The following MRNIP variants were observed in gnomAD, a reference collection of about 807,000 sequenced individuals.
MRNIP encodes MRN complex-interacting protein.
Under a neutral mutation model 29.8 loss-of-function variants are expected in MRNIP, and 30 were observed. The observed-to-expected ratio is 1.01, with a 90% CI of 0.75 to 1.36. The LOEUF (loss-of-function observed/expected upper bound fraction) is 1.36. Ranked by LOEUF, MRNIP falls within the 40% of genes most tolerant of loss-of-function variation. The pLI, the probability that MRNIP is intolerant of heterozygous loss-of-function variation, is 0.00. For synonymous variants in MRNIP, 201 were observed against 164.1 expected (o/e 1.23, Z -1.72); for missense variants, 459 against 423.5 (o/e 1.08, Z -0.74).
intron 2 of MRNIP, 144 bp downstream of exon 2, chr5:179,853,234 G>A: frequency 6.4e-7 from 1 of 1,553,898 alleles, no homozygotes; most frequent in Non-Finnish European, 8.7e-7. Flanking sequence ...ACTTCCTGAA[G>A]GAACAGGAAG....
chr5:179,858,569 G>A (rs923699461), intron 1 of MRNIP, among the ~76,000 whole-genome samples, 162 bp downstream of exon 1: 12 of 152,174 alleles, frequency 7.9e-5, no homozygotes, highest in Admixed American at 5.2e-4. Flanking sequence ...AGCTCAGAAC[G>A]TTATGCGGGG....
chr5:179,849,771 T>A (rs1332133710), intron 2 of MRNIP, among the ~76,000 whole-genome samples: 1 of 150,840 alleles, frequency 6.6e-6, no homozygotes, highest in Non-Finnish European at 1.5e-5. Context: ...AGAGCATGGA[T>A]CCTGCAATGA....
chr5:179,842,146 C>T, intron 4 of MRNIP, 82 bp from the exon 5 acceptor site: 1 of 1,376,970 alleles, frequency 7.3e-7, no homozygotes, highest in Non-Finnish European at 1.0e-6. Flanking sequence ...ACTCTTGGGC[C>T]TGAGGATCTC....
rs577082271 is a variant in MRNIP at position 179,849,631 on chromosome 5, A to G, written c.127-1565T>C. Among the ~76,000 whole-genome samples the G allele has an allele frequency of 6.2e-4, 81 of 129,890 alleles. 2 individuals carry two copies. The highest frequency in any genetic ancestry group is 2.3e-3 in the African/African-American group (78 of 33,956). The allele number at this position is 129,890 out of a possible 152,430, so 85.2% of individuals were successfully genotyped here. ...ATTTGAGAGCATGGATCCTGCAATG[A>G]CACAGGCAGATGGTAAGAGATGGAA... On this transcript the variant is annotated intron_variant, in intron 2 of 6. Coordinates refer to ENST00000292586, the MANE Select transcript of MRNIP (RefSeq NM_016175.4).
At chr5:179,847,794 C>G (rs1759194932) in intron 3 of MRNIP, 184 bp downstream of exon 3, 1 of 558,938 alleles carries the variant, frequency 1.8e-6, no homozygotes, top group South Asian at 2.1e-5. Flanking sequence ...CCCCAGTATT[C>G]TAAACATCCC....
At chr5:179,845,262 CA>C (rs1371996268) in intron 3 of MRNIP, among the ~76,000 whole-genome samples, 1 of 151,788 alleles carries the variant, frequency 6.6e-6, no homozygotes, top group Non-Finnish European at 1.5e-5. Flanking sequence ...TGCAGTGGCA[CA>C]ATCTTGGCTC....
At chr5:179,843,035 G>GAGGA (rs1554093083) in intron 4 of MRNIP, among the ~76,000 whole-genome samples, 2 of 60,756 alleles carry the variant, frequency 3.3e-5, no homozygotes, top group Non-Finnish European at 5.5e-5. Flanking sequence ...CTGTCGAAAG[G>GAGGA]AGGAAAGAAG....
intron 4 of MRNIP, among the ~76,000 whole-genome samples, chr5:179,843,057 G>A (rs1440567133): frequency 2.1e-5 from 3 of 139,616 alleles, no homozygotes; most frequent in Admixed American, 1.5e-4. Context: ...AAGGAAGGAA[G>A]GAAGGGAGGG....
rs199932208 is a variant in MRNIP, at chr5:179,856,106, C to A, written c.66+2625G>T. On this transcript the variant is annotated intron_variant, in intron 1 of 6. Coordinates refer to ENST00000292586, the MANE Select transcript of MRNIP (RefSeq NM_016175.4). Reference sequence around the variant, plus strand: ...TATTTTTAGTAGAGACGGGGTTTCACAACATTGCCCAGGCTGGTCTCGAAC... The same window carrying A: ...TATTTTTAGTAGAGACGGGGTTTCAAAACATTGCCCAGGCTGGTCTCGAAC... Among the ~76,000 whole-genome samples the A allele has an allele frequency of 1.0e-3, 155 of 152,006 alleles. 1 individual carries two copies. The East Asian group carries it at 0.02, about 20-fold the overall frequency.
At chr5:179,856,118 G>C (rs1392126767) in intron 1 of MRNIP, among the ~76,000 whole-genome samples, 1 of 151,978 alleles carries the variant, frequency 6.6e-6, no homozygotes, top group East Asian at 1.9e-4. Flanking sequence ...ACATTGCCCA[G>C]GCTGGTCTCG....
At position 179,847,699 on chromosome 5, in the gene MRNIP, G is replaced by T. The variant is rs1312350368; in HGVS notation, c.215+279C>A. On this transcript the variant is annotated intron_variant, in intron 3 of 6. Transcript: ENST00000292586. ...AAGAGCCTTCAGCTCTGGAGGCACA[G>T]AGCAATGGCCTGCCAGCTTTAAAAA... is the stretch of plus-strand genomic sequence containing the variant. The T allele has an allele frequency of 1.4e-4, 46 of 319,050 alleles. 1 individual carries two copies. In the South Asian group the frequency reaches 1.6e-3, roughly 11 times the overall value. The allele number at this position is 319,050 out of a possible 1,614,324, so 19.8% of individuals were successfully genotyped here. A position where few individuals can be genotyped will look rare whatever the true frequency, so the allele number is the denominator to read the frequency against.
At chr5:179,841,881 G>A in intron 5 of MRNIP, 26 bp downstream of exon 5, 1 of 1,610,860 alleles carries the variant, frequency 6.2e-7, no homozygotes, top group Non-Finnish European at 8.5e-7. Context: ...CCTGGGCCAG[G>A]GCTGGAACGG....
At chr5:179,850,068 G>A (rs576031510) in intron 2 of MRNIP, among the ~76,000 whole-genome samples, 1 of 152,144 alleles carries the variant, frequency 6.6e-6, no homozygotes, top group Admixed American at 6.5e-5. Flanking sequence ...TTGAGACCAC[G>A]GGTCCTGCTA....
chr5:179,848,171 G>A, intron 2 of MRNIP, 105 bp from the exon 3 acceptor site: 1 of 841,114 alleles, frequency 1.2e-6, no homozygotes, highest in Non-Finnish European at 2.0e-6. Context: ...TATTCTGCAA[G>A]GCCCAAAGAC....
Position 179,837,872 on chromosome 5 carries a change from A to T in MRNIP, c.551T>A (p.Leu184Gln), listed in dbSNP as rs1163136621. 6.2e-7 allele frequency: 1 copy of T among 1,605,832 alleles called. No homozygotes were observed. Among genetic ancestry groups the T allele is most frequent in the Non-Finnish European group, 8.5e-7 (1 of 1,179,200 alleles). The part of the protein sequence containing the change: ...AWGPQKGQAG[L>Q]TWKVKQGSSP... The stretch of plus-strand genomic sequence containing the variant: ...GCTGCCTTGTTTCACCTTCCATGTC[A>T]GGCCAGCCTGTCCCTGAAAGAGAAG... The change falls in exon 7 of 7, where the codon CTG becomes CAG. Residue 184 changes from leucine to glutamine, a missense_variant. Leu to Gln is a moderately radical substitution (Grantham distance 113). Coordinates refer to ENST00000292586, the MANE Select transcript of MRNIP (RefSeq NM_016175.4).
intron 5 of MRNIP, 123 bp downstream of exon 5, chr5:179,841,784 C>A: frequency 1.9e-6 from 2 of 1,047,866 alleles, no homozygotes; most frequent in Admixed American, 2.3e-5. Flanking sequence ...GATTTCCCAC[C>A]TGCTGGCACT....
chr5:179,842,243 T>G (rs1758911579), intron 4 of MRNIP, among the ~76,000 whole-genome samples, 179 bp from the exon 5 acceptor site: 1 of 151,972 alleles, frequency 6.6e-6, no homozygotes, highest in Non-Finnish European at 1.5e-5. Context: ...AGGACAGTGC[T>G]CACTGGCACA....
At chr5:179,858,225 A>G (rs1050983370) in intron 1 of MRNIP, among the ~76,000 whole-genome samples, 6 of 152,150 alleles carry the variant, frequency 3.9e-5, no homozygotes, top group Admixed American at 3.9e-4. Flanking sequence ...TGTCCTAGAA[A>G]CACAGATTAT....
chr5:179,837,314 G>T lies in MRNIP; in HGVS notation c.*77C>A, dbSNP rs1195074639. ...GTTTATTGTTAATGGTTCTTACAGA[G>T]TATCTTTAAAAGTGCCTTAGGGGAA... is the stretch of plus-strand genomic sequence containing the variant. On this transcript the variant is annotated 3_prime_UTR_variant, in exon 7 of 7. Transcript: ENST00000292586. 2 of 1,592,828 alleles carry T rather than the reference G, an allele frequency of 1.3e-6. No homozygotes were observed. The highest frequency in any genetic ancestry group is 1.3e-5 in the African/African-American group (1 of 74,256).
Sources: allele counts gnomAD v4.1 joint callset (sites outside exome capture counted in the v4.1 genomes callset), GRCh38; gene constraint gnomAD v4.1.1; transcripts MANE v1.5; gene names NCBI Gene and HGNC (gene_info 2026-07-23, HGNC 2026-07-21).